Variants in FECH observed in about 807,000 individuals in gnomAD.
The protein encoded by FECH is ferrochelatase, also known as ferrochelatase, mitochondrial.
A neutral mutation model predicts 56.9 loss-of-function variants in FECH; 40 were observed. The ratio of observed to expected loss-of-function variants is 0.70; its 90% CI spans 0.55 to 0.92. The LOEUF is 0.92. Among genes scored for constraint, FECH ranks in the 40% least tolerant of loss-of-function variants. FECH has a pLI of 0.00. For synonymous variants in FECH, 175 were observed against 198.6 expected, an observed-to-expected ratio of 0.88 and a Z score of 1.00; for missense variants, 431 against 529.1, an observed-to-expected ratio of 0.81 and a Z score of 1.82.
intron 1 of FECH, among the ~76,000 whole-genome samples, chr18:57,581,879 C>G (rs1048362118): frequency 1.3e-5 from 2 of 152,104 alleles, no homozygotes; most frequent in African/African-American, 4.8e-5. Flanking sequence ...TTCCAACCAC[C>G]CAGATTGTAC....
chr18:57,556,052 T>A (rs771772358), intron 7 of FECH, among the ~76,000 whole-genome samples: 39 of 152,116 alleles, frequency 2.6e-4, no homozygotes, highest in Non-Finnish European at 4.9e-4. Flanking sequence ...TCACTTGAAC[T>A]CAGGAGGCGG....
chr18:57,550,384 T>G lies in FECH; in HGVS notation c.*328A>C. ...ACTCTCCGTACCCTTTCAGGAGGGT[T>G]TTGGGCAATAAAGCCAAAATCTGTA... On this transcript the variant is annotated 3_prime_UTR_variant, in exon 11 of 11. Coordinates refer to ENST00000262093, the MANE Select transcript of FECH (RefSeq NM_000140.5). The G allele has an allele frequency of 3.2e-6, 1 of 316,814 alleles. No homozygotes were observed. The highest frequency in any genetic ancestry group is 3.3e-5 in the South Asian group (1 of 30,678). 19.6% of individuals were successfully genotyped at this position (316,814 alleles called of 1,614,324 possible).
chr18:57,570,029 T>C (rs2051075497), intron 4 of FECH, among the ~76,000 whole-genome samples: 8 of 98,490 alleles, frequency 8.1e-5, no homozygotes, highest in East Asian at 3.6e-4. Context: ...TTGTTGTTGT[T>C]GTCGTGTGTG....
intron 9 of FECH, among the ~76,000 whole-genome samples, chr18:57,553,175 A>G (rs2050821850): frequency 6.7e-6 from 1 of 148,848 alleles, no homozygotes; most frequent in South Asian, 2.1e-4. Context: ...AGCCAAGCTC[A>G]TAGTGAGATA....
chr18:57,568,373 A>C (rs1185784890), intron 4 of FECH, among the ~76,000 whole-genome samples: 1 of 152,224 alleles, frequency 6.6e-6, no homozygotes, highest in Non-Finnish European at 1.5e-5. Flanking sequence ...AGAGTAAAAT[A>C]CCCTGGAAAG....
intron 6 of FECH, among the ~76,000 whole-genome samples, chr18:57,561,445 G>A (rs770051019): frequency 2.8e-4 from 42 of 152,156 alleles, no homozygotes; most frequent in East Asian, 5.8e-4. Flanking sequence ...AAACTGAGGC[G>A]CCATGGGCAA....
chr18:57,571,432 CT>C lies in FECH; in HGVS notation c.422del (p.Glu141GlyfsTer4). 6.2e-7 allele frequency: 1 copy of C among 1,613,966 alleles called. No homozygotes were observed. Among genetic ancestry groups the C allele is most frequent in the Non-Finnish European group, 8.5e-7 (1 of 1,179,996 alleles). On this transcript the variant is annotated frameshift_variant, in exon 4 of 11. Coordinates refer to ENST00000262093, the MANE Select transcript of FECH (RefSeq NM_000140.5). LOFTEE classifies it high-confidence loss of function. ...PIKIWTSKQGEGMVKLLDELS... is the reference protein window; with the variant it reads ...PIKIWTSKQGXGMVKLLDELS... ...ATTCATCCAGCAGCTTCACCATGCCCTCTCCCTGCTTGGAAGTCCATATCTT... is the reference window on the plus strand; with the variant it reads ...ATTCATCCAGCAGCTTCACCATGCCCCTCCCTGCTTGGAAGTCCATATCTT...
chr18:57,562,422 C>T (rs1438840209), intron 6 of FECH, among the ~76,000 whole-genome samples: 1 of 152,168 alleles, frequency 6.6e-6, no homozygotes, highest in East Asian at 1.9e-4. Context: ...CTTTCTCAAT[C>T]GAAATGTTCA....
At chr18:57,582,640 G>A (rs984581226) in intron 1 of FECH, among the ~76,000 whole-genome samples, 2 of 151,828 alleles carry the variant, frequency 1.3e-5, no homozygotes, top group African/African-American at 2.4e-5. Flanking sequence ...AAGGCCGGGC[G>A]CGGTGGTTCA....
intron 4 of FECH, among the ~76,000 whole-genome samples, chr18:57,569,400 T>A (rs2051063880): frequency 6.6e-6 from 1 of 152,144 alleles, no homozygotes; most frequent in South Asian, 2.1e-4. Context: ...ATGAAACATG[T>A]TTATCTGTTT....
intron 10 of FECH, 108 bp downstream of exon 10, chr18:57,551,207 G>A (rs1474899251): frequency 1.2e-6 from 1 of 822,026 alleles, no homozygotes; most frequent in Non-Finnish European, 2.0e-6. Context: ...GTAATTAATT[G>A]GAACTCCAAA....
intron 2 of FECH, among the ~76,000 whole-genome samples, chr18:57,578,340 C>A (rs2051213463): frequency 6.6e-6 from 1 of 152,050 alleles, no homozygotes; most frequent in East Asian, 1.9e-4. Flanking sequence ...GATCATATAG[C>A]AAAAAACAAT....
chr18:57,569,341 C>T (rs748864240), intron 4 of FECH, among the ~76,000 whole-genome samples: 9 of 152,214 alleles, frequency 5.9e-5, no homozygotes, highest in East Asian at 1.9e-4. Flanking sequence ...AGTCTCAAAA[C>T]GTCCACACTG....
intron 10 of FECH, 114 bp from the exon 11 acceptor site, chr18:57,550,960 C>G: frequency 7.1e-7 from 1 of 1,401,356 alleles, no homozygotes; most frequent in Non-Finnish European, 9.9e-7. Flanking sequence ...TCTTTTCATC[C>G]GAGTGGTGAG....
At chr18:57,576,727 A>G (rs546510406) in intron 2 of FECH, among the ~76,000 whole-genome samples, 5 of 152,336 alleles carry the variant, frequency 3.3e-5, no homozygotes, top group African/African-American at 1.2e-4. Context: ...GATGCACACG[A>G]CTTGAAAATA....
At chr18:57,553,538 C>T (rs184887306) in intron 9 of FECH, among the ~76,000 whole-genome samples, 41 of 152,304 alleles carry the variant, frequency 2.7e-4, no homozygotes, top group Non-Finnish European at 3.8e-4. Flanking sequence ...CGCTTCCACA[C>T]TTCCCATAAA....
chr18:57,555,981 G>A (rs1203266017), intron 7 of FECH, among the ~76,000 whole-genome samples: 2 of 152,140 alleles, frequency 1.3e-5, no homozygotes, highest in African/African-American at 2.4e-5. Context: ...ATACAAAAAT[G>A]AGCCTGGTGT....
Position 57,547,588 on chromosome 18 carries a change from A to G in FECH, c.*3124T>C, listed in dbSNP as rs770572983. Among the ~76,000 whole-genome samples the G allele has an allele frequency of 2.0e-5, 3 of 152,102 alleles. No individual in the cohort carries two copies. The highest frequency in any genetic ancestry group is 2.9e-5 in the Non-Finnish European group (2 of 68,022). On this transcript the variant is annotated 3_prime_UTR_variant, in exon 11 of 11. Transcript: ENST00000262093. ...CTTCCTCAGAAAGCCGAACCGAGTCAATTAAACCTCTTTCCTTTGTAAATG... is the reference window on the plus strand; with the variant it reads ...CTTCCTCAGAAAGCCGAACCGAGTCGATTAAACCTCTTTCCTTTGTAAATG...
At chr18:57,582,695 C>G (rs1382309299) in intron 1 of FECH, among the ~76,000 whole-genome samples, 14 of 150,058 alleles carry the variant, frequency 9.3e-5, no homozygotes, top group African/African-American at 3.2e-4. Context: ...GGGTGGATCA[C>G]GAGGTCAGGA....
Sources: allele counts gnomAD v4.1 joint callset (sites outside exome capture counted in the v4.1 genomes callset), GRCh38; gene constraint gnomAD v4.1.1; transcripts MANE v1.5; gene names NCBI Gene and HGNC (gene_info 2026-07-23, HGNC 2026-07-21).